The following FBXL7 variants were observed in gnomAD, a reference collection of about 807,000 sequenced individuals.
The protein encoded by FBXL7 is F-box/LRR-repeat protein 7.
In FBXL7, 12 loss-of-function variants were observed where a neutral mutation model predicts 38.3. That is an observed-to-expected ratio of 0.31 (90% confidence interval 0.20 to 0.51). FBXL7 has a LOEUF of 0.51. Ranked by LOEUF, FBXL7 falls within the 20% of genes least tolerant of loss-of-function variation. The pLI, the probability that FBXL7 is intolerant of heterozygous loss-of-function variation, is 0.98. For missense variants in FBXL7, 567 were observed against 676.4 expected (o/e 0.84, Z 1.79); for synonymous variants, 297 against 300.9 (o/e 0.99, Z 0.13).
intron 2 of FBXL7, among the ~76,000 whole-genome samples, chr5:15,714,420 CTT>C (rs1246967104): frequency 6.6e-6 from 1 of 152,168 alleles, no homozygotes; most frequent in Non-Finnish European, 1.5e-5. Flanking sequence ...AATGAAACCT[CTT>C]TTCTTTATAA....
intron 2 of FBXL7, among the ~76,000 whole-genome samples, chr5:15,889,438 A>G (rs1416810856): frequency 2.0e-5 from 3 of 152,338 alleles, no homozygotes; most frequent in East Asian, 3.9e-4. Flanking sequence ...AGATTTTCCT[A>G]TTGAACCAAA....
intron 2 of FBXL7, among the ~76,000 whole-genome samples, chr5:15,682,258 A>G (rs185148305): frequency 6.6e-6 from 1 of 152,316 alleles, no homozygotes; most frequent in Admixed American, 6.5e-5. Flanking sequence ...TTCGAGGGAA[A>G]TAATTGCCAG....
chr5:15,636,600 T>C (rs1741193975), intron 2 of FBXL7, among the ~76,000 whole-genome samples: 1 of 152,200 alleles, frequency 6.6e-6, no homozygotes, highest in African/African-American at 2.4e-5. Flanking sequence ...TAGTTTAGTA[T>C]GTATACTGTG....
intron 2 of FBXL7, among the ~76,000 whole-genome samples, chr5:15,838,143 C>T (rs147375078): frequency 1.1e-3 from 172 of 152,178 alleles, no homozygotes; most frequent in Non-Finnish European, 2.2e-3. Flanking sequence ...ATGGATGAGG[C>T]TCCAGGTTGT....
intron 1 of FBXL7, among the ~76,000 whole-genome samples, chr5:15,552,473 A>C (rs929098498): frequency 6.6e-6 from 1 of 152,142 alleles, no homozygotes; most frequent in Admixed American, 6.5e-5. Flanking sequence ...AGATTTCCCC[A>C]ATGGGTTTTA....
intron 2 of FBXL7, among the ~76,000 whole-genome samples, chr5:15,924,253 T>C (rs1741820364): frequency 6.6e-6 from 1 of 152,232 alleles, no homozygotes; most frequent in Non-Finnish European, 1.5e-5. Flanking sequence ...GCAGCATGTA[T>C]ACCACCTGGA....
intron 1 of FBXL7, among the ~76,000 whole-genome samples, chr5:15,554,574 A>C (rs1238546919): frequency 6.6e-6 from 1 of 152,116 alleles, no homozygotes; most frequent in Non-Finnish European, 1.5e-5. Flanking sequence ...AATTTGGCTA[A>C]CTCTAAACAT....
At chr5:15,715,489 CAAA>C (rs1157372026) in intron 2 of FBXL7, among the ~76,000 whole-genome samples, 10,764 of 74,722 alleles carry the variant, frequency 0.14, 425 homozygotes, top group Middle Eastern at 0.22. Flanking sequence ...GACTCCGTCT[CAAA>C]AAAAAAAAAA....
chr5:15,678,492 G>A (rs1742731903), intron 2 of FBXL7, among the ~76,000 whole-genome samples: 1 of 152,126 alleles, frequency 6.6e-6, no homozygotes, highest in Non-Finnish European at 1.5e-5. Context: ...ATAGAAAGCT[G>A]TCCTGTGAAA....
intron 2 of FBXL7, among the ~76,000 whole-genome samples, chr5:15,886,939 T>C (rs1052937174): frequency 6.6e-6 from 1 of 152,212 alleles, no homozygotes; most frequent in Non-Finnish European, 1.5e-5. Flanking sequence ...GCAAGTTCAT[T>C]GTGGCTCACC....
intron 2 of FBXL7, among the ~76,000 whole-genome samples, chr5:15,683,196 T>C (rs530395929): frequency 6.6e-6 from 1 of 152,350 alleles, no homozygotes; most frequent in Admixed American, 6.5e-5. Flanking sequence ...TTGTCTTGTG[T>C]GTTTATTCAA....
At chr5:15,610,728 G>A (rs17523181) in intron 1 of FBXL7, among the ~76,000 whole-genome samples, 42,050 of 151,988 alleles carry the variant, frequency 0.28, 7,097 homozygotes, top group South Asian at 0.46. Context: ...AGGTGTTCAC[G>A]ATATCCTAAA....
intron 1 of FBXL7, among the ~76,000 whole-genome samples, chr5:15,528,801 T>A (rs995088736): frequency 6.8e-6 from 1 of 147,510 alleles, no homozygotes; most frequent in African/African-American, 2.7e-5. Context: ...TTAAAAATTA[T>A]TTATTTAGCC....
At chr5:15,659,470 G>A (rs1741988783) in intron 2 of FBXL7, among the ~76,000 whole-genome samples, 1 of 152,164 alleles carries the variant, frequency 6.6e-6, no homozygotes, top group Admixed American at 6.5e-5. Flanking sequence ...CCTGTGACCT[G>A]ATAATACTCT....
chr5:15,771,245 A>G (rs193152292), intron 2 of FBXL7, among the ~76,000 whole-genome samples: 162 of 152,254 alleles, frequency 1.1e-3, no homozygotes, highest in Admixed American at 2.5e-3. Flanking sequence ...TTCCCTCACC[A>G]TACATCTTAT....
intron 1 of FBXL7, among the ~76,000 whole-genome samples, chr5:15,615,403 C>G (rs1189314724): frequency 6.6e-6 from 1 of 152,114 alleles, no homozygotes; most frequent in Non-Finnish European, 1.5e-5. Flanking sequence ...AAAAATGATA[C>G]CAGATATTGC....
At chr5:15,753,159 G>A (rs1028672837) in intron 2 of FBXL7, among the ~76,000 whole-genome samples, 2 of 152,032 alleles carry the variant, frequency 1.3e-5, no homozygotes, top group African/African-American at 4.8e-5. Flanking sequence ...CCAGACACAC[G>A]CTCTCTAGGA....
intron 1 of FBXL7, among the ~76,000 whole-genome samples, chr5:15,545,031 G>A (rs2126413568): frequency 6.6e-6 from 1 of 152,282 alleles, no homozygotes; most frequent in Admixed American, 6.5e-5. Flanking sequence ...CCCAGATTCT[G>A]CACTTTCTTT....
chr5:15,654,400 GAAAATTCATAAAAAACTGAAAAAAAAA>G (rs1741808539), intron 2 of FBXL7, among the ~76,000 whole-genome samples: 2 of 135,820 alleles, frequency 1.5e-5, no homozygotes, highest in Admixed American at 1.5e-4. Context: ...TGTATGGGAG[GAAAATTCATAAAAAACTGAAAAAAAAA>G]AAAAAGGCAA....
Sources: allele counts gnomAD v4.1 joint callset (sites outside exome capture counted in the v4.1 genomes callset), GRCh38; gene constraint gnomAD v4.1.1; transcripts MANE v1.5; gene names NCBI Gene and HGNC (gene_info 2026-07-23, HGNC 2026-07-21).